DTD1: variants seen among roughly 807,000 people sequenced by gnomAD.
The protein encoded by DTD1 is D-aminoacyl-tRNA deacylase 1, also known as D-tyrosyl-tRNA deacylase 1 homolog.
DTD1 carries 13 observed loss-of-function variants against 25.6 expected under a neutral mutation model. The ratio of observed to expected loss-of-function variants is 0.51; its 90% CI spans 0.33 to 0.81. DTD1 has a LOEUF of 0.81. DTD1 is among the 30% of genes least tolerant of loss of function. The pLI, the probability that DTD1 is intolerant of heterozygous loss-of-function variation, is 0.02. For missense variants in DTD1, 193 were observed against 266.4 expected (o/e 0.72, Z 1.92); for synonymous variants, 110 against 103.6 (o/e 1.06, Z -0.37).
intron 3 of DTD1, among the ~76,000 whole-genome samples, chr20:18,597,202 T>G (rs527247272): frequency 1.6e-5 from 2 of 128,560 alleles, no homozygotes; most frequent in South Asian, 5.1e-4. Context: ...TGTGTGTGTA[T>G]AGAGAGAAGG....
At chr20:18,680,907 C>G (rs1234308646) in intron 4 of DTD1, among the ~76,000 whole-genome samples, 1 of 152,090 alleles carries the variant, frequency 6.6e-6, no homozygotes, top group African/African-American at 2.4e-5. Context: ...ATTTTATGAA[C>G]CATAAAAGTC....
Position 18,729,096 on chromosome 20 carries a change from T to C in DTD1, c.478-15004T>C, listed in dbSNP as rs548777041. On this transcript the variant is annotated intron_variant, in intron 4 of 5. Transcript: ENST00000377452. ...ACGGCTCACTGCAGCCTTGACCTCCTGGACTCAAACCATCGTCCTGCCTCA... is the reference window on the plus strand; with the variant it reads ...ACGGCTCACTGCAGCCTTGACCTCCCGGACTCAAACCATCGTCCTGCCTCA... 1.3e-3 allele frequency among the ~76,000 whole-genome samples: 194 copies of C among 152,278 alleles called. 1 individual carries two copies. The highest frequency in any genetic ancestry group is 4.6e-3 in the African/African-American group (190 of 41,562).
At chr20:18,657,031 A>G (rs1385273974) in intron 4 of DTD1, among the ~76,000 whole-genome samples, 2 of 152,220 alleles carry the variant, frequency 1.3e-5, no homozygotes, top group African/African-American at 4.8e-5. Context: ...TTTTGTAACT[A>G]TAATATAATG....
intron 4 of DTD1, among the ~76,000 whole-genome samples, chr20:18,644,508 G>A (rs1282292890): frequency 6.6e-6 from 1 of 152,210 alleles, no homozygotes; most frequent in Non-Finnish European, 1.5e-5. Flanking sequence ...GATGTGACCT[G>A]TGAATAAAAT....
At chr20:18,740,866 A>G (rs1039450733) in intron 4 of DTD1, among the ~76,000 whole-genome samples, 2 of 152,218 alleles carry the variant, frequency 1.3e-5, no homozygotes, top group South Asian at 2.1e-4. Context: ...AAGACAGACG[A>G]AAGGAAAGAA....
At chr20:18,735,233 T>A (rs1472949055) in intron 4 of DTD1, among the ~76,000 whole-genome samples, 1 of 152,274 alleles carries the variant, frequency 6.6e-6, no homozygotes, top group Non-Finnish European at 1.5e-5. Context: ...TTTGCTCGTA[T>A]GCAGGACAGA....
chr20:18,711,089 G>A (rs565664949), intron 4 of DTD1, among the ~76,000 whole-genome samples: 1 of 152,282 alleles, frequency 6.6e-6, no homozygotes, highest in East Asian at 1.9e-4. Context: ...TCCCACTACT[G>A]CAGTGAGTCC....
At chr20:18,593,109 A>G (rs2060596994) in intron 1 of DTD1, among the ~76,000 whole-genome samples, 1 of 152,062 alleles carries the variant, frequency 6.6e-6, no homozygotes, top group African/African-American at 2.4e-5. Context: ...AATGGACAAG[A>G]TGCATGATTG....
At chr20:18,637,790 A>C (rs2060813064) in intron 4 of DTD1, among the ~76,000 whole-genome samples, 2 of 152,230 alleles carry the variant, frequency 1.3e-5, no homozygotes, top group African/African-American at 4.8e-5. Context: ...TTACCTATTC[A>C]GTTCATGGTA....
At chr20:18,644,003 T>C (rs1482689015) in intron 4 of DTD1, among the ~76,000 whole-genome samples, 1 of 152,202 alleles carries the variant, frequency 6.6e-6, no homozygotes, top group East Asian at 1.9e-4. Flanking sequence ...GCTAGATCAT[T>C]CATTTTAACT....
intron 4 of DTD1, among the ~76,000 whole-genome samples, chr20:18,647,403 G>A (rs1009562026): frequency 1.3e-5 from 2 of 152,140 alleles, no homozygotes; most frequent in African/African-American, 4.8e-5. Flanking sequence ...TTATTTGCCT[G>A]GTGCTGAGGG....
intron 3 of DTD1, among the ~76,000 whole-genome samples, chr20:18,596,551 T>C (rs985536686): frequency 8.5e-5 from 13 of 152,216 alleles, no homozygotes; most frequent in Admixed American, 6.5e-4. Flanking sequence ...AATAGAAGTA[T>C]AGTGCAAGCC....
At chr20:18,725,466 T>C in intron 4 of DTD1, among the ~76,000 whole-genome samples, 1 of 152,332 alleles carries the variant, frequency 6.6e-6, no homozygotes, top group Non-Finnish European at 1.5e-5. Context: ...AGCAAATAGT[T>C]TGAAGCAATA....
At chr20:18,713,835 C>T (rs1337516630) in intron 4 of DTD1, among the ~76,000 whole-genome samples, 1 of 152,086 alleles carries the variant, frequency 6.6e-6, no homozygotes, top group African/African-American at 2.4e-5. Context: ...CAGGTTATAC[C>T]CTCATTTTGC....
chr20:18,696,771 C>T (rs1023571638), intron 4 of DTD1, among the ~76,000 whole-genome samples: 8 of 151,988 alleles, frequency 5.3e-5, no homozygotes, highest in Middle Eastern at 3.4e-3. Flanking sequence ...TCAGGCTGGT[C>T]TTGAACTCCC....
chr20:18,634,032 C>T (rs2060798199), intron 4 of DTD1, among the ~76,000 whole-genome samples: 1 of 152,244 alleles, frequency 6.6e-6, no homozygotes, highest in African/African-American at 2.4e-5. Context: ...GACATGGAAG[C>T]AGCAGCAGAA....
intron 3 of DTD1, among the ~76,000 whole-genome samples, chr20:18,622,569 G>A (rs1191845660): frequency 6.6e-6 from 1 of 152,158 alleles, no homozygotes; most frequent in Admixed American, 6.5e-5. Flanking sequence ...CCTGGCCACT[G>A]CATAGTGTTC....
intron 4 of DTD1, among the ~76,000 whole-genome samples, chr20:18,712,890 C>G (rs1024492113): frequency 2.6e-5 from 4 of 152,238 alleles, no homozygotes; most frequent in Admixed American, 2.6e-4. Context: ...CCTTACCTTG[C>G]CACATAAGGT....
chr20:18,668,904 G>A (rs2060941871), intron 4 of DTD1, among the ~76,000 whole-genome samples: 1 of 152,114 alleles, frequency 6.6e-6, no homozygotes, highest in Non-Finnish European at 1.5e-5. Context: ...TGCAGCTGTG[G>A]CCACCTTGCT....
Sources: gnomAD v4.1 joint callset for allele counts (sites outside exome capture counted in the v4.1 genomes callset) on GRCh38, gnomAD v4.1.1 for gene constraint, MANE v1.5 for transcripts, NCBI Gene and HGNC (gene_info 2026-07-23, HGNC 2026-07-21) for gene names.